The following BID variants were observed in gnomAD, a reference collection of about 807,000 sequenced individuals.
BID encodes BH3-interacting domain death agonist.
A neutral mutation model predicts 17.4 loss-of-function variants in BID; 19 were observed. That is an observed-to-expected ratio of 1.09 (90% CI 0.76 to 1.60). The LOEUF is 1.60. BID is among the 40% of genes most tolerant of loss of function. The pLI, the probability that BID is intolerant of heterozygous loss-of-function variation, is 0.00. For missense variants in BID, 226 were observed against 256.0 expected (o/e 0.88, Z 0.80); for synonymous variants, 108 against 102.8 (o/e 1.05, Z -0.31).
intron 2 of BID, among the ~76,000 whole-genome samples, chr22:17,745,802 C>T (rs1471140300): frequency 6.6e-6 from 1 of 152,050 alleles, no homozygotes; most frequent in East Asian, 1.9e-4. Context: ...CTTGTCTCTA[C>T]TAAAAATACA....
intron 1 of BID, among the ~76,000 whole-genome samples, chr22:17,753,790 C>T (rs1337558782): frequency 5.3e-5 from 8 of 152,346 alleles, no homozygotes; most frequent in Middle Eastern, 3.4e-3. Flanking sequence ...AATACCCTGC[C>T]TCACCTCAGT....
rs977802462 is a variant in BID, at chr22:17,769,883, G to T, written c.-59+4498C>A. On this transcript the variant is annotated intron_variant, in intron 1 of 5. Transcript: ENST00000622694. This position sits in a 1 kb window ranked among gnomAD's most constrained non-coding sequence, Gnocchi z 4.8. ...ACCAGGCCTGGTCACGTGGTGCCCC[G>T]CCAGGCTTGGGGGTGTGCACTTGCC... 6.6e-6 allele frequency among the ~76,000 whole-genome samples: 1 copy of T among 152,068 alleles called. No homozygotes were observed. Among genetic ancestry groups the T allele is most frequent in the Admixed American group, 6.5e-5 (1 of 15,274 alleles).
intron 1 of BID, among the ~76,000 whole-genome samples, chr22:17,762,182 T>C (rs1039413536): frequency 7.9e-5 from 12 of 152,068 alleles, no homozygotes; most frequent in South Asian, 4.2e-4. Context: ...TTCTTCTCAA[T>C]AGAAATGTTT....
chr22:17,763,045 T>C (rs1601874868), intron 1 of BID, among the ~76,000 whole-genome samples: 1 of 151,302 alleles, frequency 6.6e-6, no homozygotes, highest in Non-Finnish European at 1.5e-5. Context: ...TCCGGCTAAT[T>C]TTTGTATTTT....
At chr22:17,736,778 A>G (rs1343555355) in intron 5 of BID, among the ~76,000 whole-genome samples, 2 of 151,424 alleles carry the variant, frequency 1.3e-5, no homozygotes, top group South Asian at 2.1e-4. Context: ...TGACGGCGTG[A>G]ACTACAGGCG....
At chr22:17,736,007 T>C (rs1447617221) in intron 5 of BID, among the ~76,000 whole-genome samples, 1 of 152,206 alleles carries the variant, frequency 6.6e-6, no homozygotes, top group Non-Finnish European at 1.5e-5. Flanking sequence ...GTTTAATGCC[T>C]GATTTAAGAT....
chr22:17,754,474 A>G (rs1265492589), intron 1 of BID, among the ~76,000 whole-genome samples: 1 of 152,264 alleles, frequency 6.6e-6, no homozygotes, highest in Non-Finnish European at 1.5e-5. Flanking sequence ...CCAGGCCCTC[A>G]CGAGTATGCT....
chr22:17,750,053 A>G, intron 2 of BID, 52 bp downstream of exon 2: 1 of 1,560,264 alleles, frequency 6.4e-7, no homozygotes, highest in Non-Finnish European at 8.8e-7. Context: ...GCAGGCCCTT[A>G]CCCCTCGACC....
intron 1 of BID, among the ~76,000 whole-genome samples, chr22:17,754,102 A>C (rs936897946): frequency 8.7e-5 from 13 of 149,656 alleles, no homozygotes; most frequent in Admixed American, 6.6e-5. Flanking sequence ...ATTCTCCAGG[A>C]CTCTGCCAGA....
At chr22:17,749,978 G>A in intron 2 of BID, 127 bp downstream of exon 2, 1 of 906,370 alleles carries the variant, frequency 1.1e-6, no homozygotes, top group South Asian at 1.6e-5. Flanking sequence ...GTTCGTCTGT[G>A]CCGAGCTGTG....
chr22:17,773,629 TCCAGC>T lies in BID; in HGVS notation c.-59+747_-59+751del. Reference sequence around the variant, plus strand: ...ACTTACAGAATCCGCACTGTGCTCCTCCAGCCGGCCCGGCCCCTCGCTGCCCACCG... The same window carrying T: ...ACTTACAGAATCCGCACTGTGCTCCTCGGCCCGGCCCCTCGCTGCCCACCG... On this transcript the variant is annotated intron_variant, in intron 1 of 5. Transcript: ENST00000622694. This position sits in a 1 kb window ranked among gnomAD's most constrained non-coding sequence, Gnocchi z 4.4. 6.2e-7 allele frequency: 1 copy of T among 1,612,278 alleles called. No individual in the cohort carries two copies. The highest frequency in any genetic ancestry group is 1.1e-5 in the South Asian group (1 of 91,078).
intron 1 of BID, among the ~76,000 whole-genome samples, chr22:17,767,824 CAAGAA>C (rs1182179451): frequency 6.6e-6 from 1 of 151,984 alleles, no homozygotes; most frequent in Non-Finnish European, 1.5e-5. Context: ...CTCTGGTAGC[CAAGAA>C]AAGGCCAGCA....
At chr22:17,766,367 C>T (rs1269413168) in intron 1 of BID, among the ~76,000 whole-genome samples, 8 of 150,414 alleles carry the variant, frequency 5.3e-5, no homozygotes, top group African/African-American at 1.7e-4. Flanking sequence ...CTGCAAGCTC[C>T]GCCTCCCAAG....
intron 1 of BID, among the ~76,000 whole-genome samples, chr22:17,766,222 C>A (rs928103242): frequency 6.6e-6 from 1 of 151,846 alleles, no homozygotes; most frequent in African/African-American, 2.4e-5. Context: ...CTGCACCTGG[C>A]CTGAACTTAA....
chr22:17,739,964 C>T, intron 3 of BID: 1 of 1,092,092 alleles, frequency 9.2e-7, no homozygotes, highest in Non-Finnish European at 1.3e-6. Flanking sequence ...CCCCAGTTGT[C>T]ACTGGCACCG....
chr22:17,743,797 GC>G lies in BID; in HGVS notation c.223+5del, dbSNP rs749846664. On this transcript the variant is annotated splice_donor_5th_base_variant and intron_variant, in intron 3 of 5. Transcript: ENST00000622694. Reference sequence around the variant, plus strand: ...TTTGGGGAAGGAGGTGGGGCCGGCCGCCTACCTGCCTCTATTCTTCCCAAGC... The same window carrying G: ...TTTGGGGAAGGAGGTGGGGCCGGCCGCTACCTGCCTCTATTCTTCCCAAGC... 1 of 1,607,566 alleles carries G rather than the reference GC, an allele frequency of 6.2e-7. No homozygotes were observed. Among genetic ancestry groups the G allele is most frequent in the South Asian group, 1.1e-5 (1 of 90,748 alleles).
At chr22:17,748,502 T>C (rs1009710917) in intron 2 of BID, among the ~76,000 whole-genome samples, 2 of 142,332 alleles carry the variant, frequency 1.4e-5, no homozygotes, top group African/African-American at 5.4e-5. Context: ...AGAGACTCAA[T>C]CTCAAAAAAA....
At chr22:17,748,702 T>C (rs1017905883) in intron 2 of BID, among the ~76,000 whole-genome samples, 2 of 151,176 alleles carry the variant, frequency 1.3e-5, no homozygotes, top group African/African-American at 4.8e-5. Context: ...AGTGGCGACG[T>C]CCACCCTCCC....
intron 1 of BID, chr22:17,774,034 C>A (rs2061741174): frequency 2.6e-6 from 1 of 386,856 alleles, no homozygotes; most frequent in South Asian, 2.6e-5. Flanking sequence ...GGGCTGGCCT[C>A]GGCCCCTCCC....
Sources: allele counts gnomAD v4.1 joint callset (sites outside exome capture counted in the v4.1 genomes callset), GRCh38; gene constraint gnomAD v4.1.1; non-coding constraint Gnocchi (gnomAD v3.1); transcripts MANE v1.5; gene names NCBI Gene and HGNC (gene_info 2026-07-23, HGNC 2026-07-21).